CCNY: variants seen among roughly 807,000 people sequenced by gnomAD.
CCNY encodes cyclin Y, also known as cyclin-Y.
A neutral mutation model predicts 42.8 loss-of-function variants in CCNY; 19 were observed. That is an observed-to-expected ratio of 0.44 (90% confidence interval 0.31 to 0.65). The LOEUF is 0.65. CCNY is among the 30% of genes least tolerant of loss of function. The pLI is 0.07. For missense variants in CCNY, 370 were observed against 437.3 expected, an observed-to-expected ratio of 0.85 and a Z score of 1.37; for synonymous variants, 165 against 162.7, an observed-to-expected ratio of 1.01 and a Z score of -0.11.
chr10:35,330,094 C>A (rs1835924940), intron 3 of CCNY, among the ~76,000 whole-genome samples: 1 of 152,104 alleles, frequency 6.6e-6, no homozygotes, highest in African/African-American at 2.4e-5. Context: ...TGAAGTGAAG[C>A]CAGTTAACTA....
chr10:35,455,751 GT>G (rs1249138801), intron 1 of CCNY, among the ~76,000 whole-genome samples: 1 of 149,410 alleles, frequency 6.7e-6, no homozygotes, highest in Non-Finnish European at 1.5e-5. Context: ...TATTTATGTG[GT>G]TAACAGATCA....
At chr10:35,453,364 TG>T (rs1460991556) in intron 1 of CCNY, among the ~76,000 whole-genome samples, 1 of 152,254 alleles carries the variant, frequency 6.6e-6, no homozygotes, top group East Asian at 1.9e-4. Context: ...ATTTTTCATG[TG>T]GGAAATTTTC....
At chr10:35,381,653 A>T (rs1253910278) in intron 1 of CCNY, among the ~76,000 whole-genome samples, 3 of 152,054 alleles carry the variant, frequency 2.0e-5, no homozygotes, top group Non-Finnish European at 2.9e-5. Context: ...ACACATGGGG[A>T]TTCAGCTGCT....
chr10:35,561,383 A>G (rs193003535), intron 8 of CCNY, among the ~76,000 whole-genome samples: 257 of 152,294 alleles, frequency 1.7e-3, no homozygotes, highest in Admixed American at 3.5e-3. Flanking sequence ...TAACATTTTT[A>G]TTATATAGAA....
At position 35,570,212 on chromosome 10, in the gene CCNY, A is replaced by T. The variant is rs1841660208; in HGVS notation, c.*1042A>T. On this transcript the variant is annotated 3_prime_UTR_variant, in exon 10 of 10. Coordinates refer to ENST00000374704, the MANE Select transcript of CCNY (RefSeq NM_145012.6). ...GTTAGTCTATTTGTATAAAATTTTT[A>T]AAAAATCTAAAAGAAAAAGAAAAAA... 1 of 152,736 alleles carries T rather than the reference A, an allele frequency of 6.5e-6. No homozygotes were observed. The highest frequency in any genetic ancestry group is 1.9e-4 in the East Asian group (1 of 5,196). 9.5% of individuals were successfully genotyped at this position (152,736 alleles called of 1,614,324 possible).
intron 3 of CCNY, among the ~76,000 whole-genome samples, chr10:35,323,955 G>A (rs1199559843): frequency 2.0e-5 from 3 of 151,776 alleles, no homozygotes; most frequent in African/African-American, 7.3e-5. Context: ...AGGAGGCAGA[G>A]GTTGCAATGA....
intron 1 of CCNY, among the ~76,000 whole-genome samples, chr10:35,355,406 G>A (rs1159374352): frequency 6.6e-6 from 1 of 152,078 alleles, no homozygotes; most frequent in Non-Finnish European, 1.5e-5. Flanking sequence ...GCTGCGTGCG[G>A]TGGCTCCTGC....
chr10:35,265,025 A>G (rs1461887825), intron 3 of CCNY, among the ~76,000 whole-genome samples: 1 of 152,136 alleles, frequency 6.6e-6, no homozygotes, highest in East Asian at 1.9e-4. Context: ...TGTCAGATGG[A>G]TAGGTTGGGA....
intron 3 of CCNY, among the ~76,000 whole-genome samples, chr10:35,302,379 C>T (rs1050313219): frequency 1.5e-4 from 22 of 149,654 alleles, no homozygotes; most frequent in African/African-American, 4.2e-4. Flanking sequence ...GGCGCGATCT[C>T]GGCTCACTGC....
rs534006498 is a variant in CCNY, at chr10:35,421,839, G to C, written c.155-61565G>C. ...TGCTTTCTCTTCAGAGGTTTCTCTT[G>C]ACAGTAAATATAAATACAGTAATTT... is the stretch of plus-strand genomic sequence containing the variant. On this transcript the variant is annotated intron_variant, in intron 1 of 9. Transcript: ENST00000374704. 4.2e-4 allele frequency among the ~76,000 whole-genome samples: 64 copies of C among 152,262 alleles called. 1 individual carries two copies. In the South Asian group the frequency reaches 0.013, roughly 31 times the overall value.
chr10:35,494,018 G>A (rs1839954429), intron 2 of CCNY, among the ~76,000 whole-genome samples: 2 of 152,172 alleles, frequency 1.3e-5, no homozygotes, highest in South Asian at 4.1e-4. Flanking sequence ...TGGATACCAG[G>A]ACAAGAGTAG....
At chr10:35,406,887 G>A (rs967933846) in intron 1 of CCNY, among the ~76,000 whole-genome samples, 5 of 151,984 alleles carry the variant, frequency 3.3e-5, no homozygotes, top group South Asian at 2.1e-4. Context: ...CGTCCCCGTC[G>A]GGGCGGCCGG....
intron 1 of CCNY, among the ~76,000 whole-genome samples, chr10:35,415,467 C>CT (rs1169751192): frequency 6.6e-6 from 1 of 151,922 alleles, no homozygotes; most frequent in African/African-American, 2.4e-5. Flanking sequence ...GATGGAAACT[C>CT]TTTCCTGAAG....
At chr10:35,489,002 G>A (rs1477393768) in intron 2 of CCNY, among the ~76,000 whole-genome samples, 6 of 152,018 alleles carry the variant, frequency 3.9e-5, no homozygotes, top group East Asian at 1.9e-4. Flanking sequence ...GACCTAGGCC[G>A]GGCACGGTGG....
At chr10:35,296,975 C>A (rs1835478200) in intron 3 of CCNY, among the ~76,000 whole-genome samples, 1 of 151,926 alleles carries the variant, frequency 6.6e-6, no homozygotes, top group Non-Finnish European at 1.5e-5. Context: ...CATCCTGATA[C>A]CAAAACCTGG....
chr10:35,250,170 G>A (rs531535324), intron 2 of CCNY, among the ~76,000 whole-genome samples: 2 of 147,562 alleles, frequency 1.4e-5, no homozygotes, highest in Non-Finnish European at 3.0e-5. Flanking sequence ...CTCCAGCCTC[G>A]GTGACAGAGT....
Position 35,530,349 on chromosome 10 carries a change from A to T in CCNY, c.579+106A>T. ...TGGAGCAGGGAATCCTCACCAGGTT[A>T]CCCTGTGGACACCGTGGCATAAGCT... On this transcript the variant is annotated intron_variant, in intron 7 of 9. Coordinates refer to ENST00000374704, the MANE Select transcript of CCNY (RefSeq NM_145012.6). This position sits in a 1 kb window ranked among gnomAD's most constrained non-coding sequence, Gnocchi z 4.3. The T allele has an allele frequency of 2.2e-6, 3 of 1,359,790 alleles. No individual in the cohort carries two copies. The highest frequency in any genetic ancestry group is 1.4e-5 in the African/African-American group (1 of 69,808). The allele number at this position is 1,359,790 out of a possible 1,614,324, so 84.2% of individuals were successfully genotyped here.
rs1270337458 is a variant in CCNY, at chr10:35,571,333, G to A, written c.*2163G>A. ...TAAACTACTTTAAAAAAATTGTATA[G>A]TCTATTTATTGTATGTATGTACATA... is the stretch of plus-strand genomic sequence containing the variant. On this transcript the variant is annotated 3_prime_UTR_variant, in exon 10 of 10. Coordinates refer to ENST00000374704, the MANE Select transcript of CCNY (RefSeq NM_145012.6). The A allele has an allele frequency of 6.6e-6, 1 of 152,272 alleles. No individual in the cohort carries two copies. Among genetic ancestry groups the A allele is most frequent in the Non-Finnish European group, 1.5e-5 (1 of 68,018 alleles). The allele number at this position is 152,272 out of a possible 1,614,324, so 9.4% of individuals were successfully genotyped here.
intron 1 of CCNY, among the ~76,000 whole-genome samples, chr10:35,482,295 C>A (rs908407085): frequency 6.6e-6 from 1 of 152,168 alleles, no homozygotes; most frequent in African/African-American, 2.4e-5. Flanking sequence ...GGTTTCTCTG[C>A]AAATTTATTG....
Sources: gnomAD v4.1 joint callset for allele counts (sites outside exome capture counted in the v4.1 genomes callset) on GRCh38, gnomAD v4.1.1 for gene constraint, Gnocchi (gnomAD v3.1) non-coding constraint, MANE v1.5 for transcripts, NCBI Gene and HGNC (gene_info 2026-07-23, HGNC 2026-07-21) for gene names.